LINGO2: variants seen among roughly 807,000 people sequenced by gnomAD.
The protein encoded by LINGO2 is leucine-rich repeat and immunoglobulin-like domain-containing nogo receptor-interacting protein 2.
LINGO2 carries 14 observed loss-of-function variants against 30.6 expected under a neutral mutation model. The ratio of observed to expected loss-of-function variants is 0.46; its 90% CI spans 0.30 to 0.72. The LOEUF (loss-of-function observed/expected upper bound fraction) is 0.72, where lower values mean the gene tolerates loss of function less well. LINGO2 is among the 30% of genes least tolerant of loss of function. The pLI is 0.07. For missense variants in LINGO2, 729 were observed against 751.7 expected (o/e 0.97, Z 0.35); for synonymous variants, 317 against 288.5 (o/e 1.10, Z -1.00).
chr9:28,972,564 G>GA, the LINGO2 span, among the ~76,000 whole-genome samples: 2 of 152,002 alleles, frequency 1.3e-5, no homozygotes, highest in Non-Finnish European at 2.9e-5. Context: ...TGATCAAGCA[G>GA]AAAAAAAGAA....
At chr9:28,384,888 A>C (rs1476163598) in intron 2 of LINGO2, among the ~76,000 whole-genome samples, 1 of 152,036 alleles carries the variant, frequency 6.6e-6, no homozygotes, top group African/African-American at 2.4e-5. Flanking sequence ...TCTAGATCCT[A>C]AGTTATTTTA....
the LINGO2 span, among the ~76,000 whole-genome samples, chr9:29,025,810 C>T: frequency 6.6e-6 from 1 of 152,120 alleles, no homozygotes; most frequent in African/African-American, 2.4e-5. Flanking sequence ...CCCCTCTACC[C>T]TTAACCACCC....
chr9:27,944,795 A>C (rs367609756), downstream of LINGO2, among the ~76,000 whole-genome samples: 3 of 152,144 alleles, frequency 2.0e-5, no homozygotes, highest in African/African-American at 2.4e-5. Context: ...AGGTTTTGTT[A>C]CTAGATTCAG....
chr9:28,213,901 G>T (rs572848620), intron 4 of LINGO2, among the ~76,000 whole-genome samples: 1 of 151,356 alleles, frequency 6.6e-6, no homozygotes. Context: ...ATTAAAGTAC[G>T]CAGTGTTCCC....
intron 3 of LINGO2, among the ~76,000 whole-genome samples, chr9:28,360,485 G>T (rs1301009905): frequency 6.6e-6 from 1 of 152,002 alleles, no homozygotes; most frequent in African/African-American, 2.4e-5. Flanking sequence ...AGCTTTTTAG[G>T]ATCATTCTTT....
intron 4 of LINGO2, among the ~76,000 whole-genome samples, chr9:28,022,290 G>A (rs1389297669): frequency 2.0e-5 from 3 of 151,952 alleles, no homozygotes; most frequent in Non-Finnish European, 2.9e-5. Context: ...CATTTCACTC[G>A]TCCTATCTTC....
chr9:28,799,663 T>C, the LINGO2 span, among the ~76,000 whole-genome samples: 2 of 152,104 alleles, frequency 1.3e-5, no homozygotes, highest in African/African-American at 4.8e-5. Context: ...TGGTAATTGA[T>C]AAAGATGTTC....
chr9:27,943,309 A>T (rs1425240123), downstream of LINGO2: 1 of 152,154 alleles, frequency 6.6e-6, no homozygotes, highest in Non-Finnish European at 1.5e-5. Context: ...CTTTATTGGA[A>T]TATAGTTAAG....
intron 1 of LINGO2, among the ~76,000 whole-genome samples, chr9:28,668,903 G>A (rs1459724727): frequency 6.6e-6 from 1 of 151,930 alleles, no homozygotes; most frequent in African/African-American, 2.4e-5. Context: ...TCAATTTTTA[G>A]TTATTATCTC....
At chr9:28,347,951 T>A (rs2134422762) in intron 3 of LINGO2, among the ~76,000 whole-genome samples, 1 of 152,294 alleles carries the variant, frequency 6.6e-6, no homozygotes, top group Non-Finnish European at 1.5e-5. Flanking sequence ...TATAGAAATA[T>A]CCCATTAAAA....
the LINGO2 span, among the ~76,000 whole-genome samples, chr9:28,727,452 A>G: frequency 6.6e-6 from 1 of 151,906 alleles, no homozygotes; most frequent in African/African-American, 2.4e-5. Flanking sequence ...CGTCTGGCTA[A>G]TTTTTTTGTA....
At chr9:28,471,964 C>G (rs935547512) in intron 2 of LINGO2, among the ~76,000 whole-genome samples, 1 of 152,076 alleles carries the variant, frequency 6.6e-6, no homozygotes, top group Admixed American at 6.6e-5. Flanking sequence ...AGTATAAACT[C>G]TATTATTACA....
chr9:28,701,462 T>C, the LINGO2 span, among the ~76,000 whole-genome samples: 1 of 152,006 alleles, frequency 6.6e-6, no homozygotes, highest in Non-Finnish European at 1.5e-5. Context: ...ATCAGTTGAC[T>C]ATATTTATGT....
the LINGO2 span, among the ~76,000 whole-genome samples, chr9:29,127,038 C>T: frequency 2.0e-5 from 3 of 152,018 alleles, no homozygotes; most frequent in African/African-American, 7.3e-5. Flanking sequence ...GTTACTTCAC[C>T]TCAGCCTCTG....
chr9:28,773,594 C>T, the LINGO2 span, among the ~76,000 whole-genome samples: 1 of 152,096 alleles, frequency 6.6e-6, no homozygotes, highest in African/African-American at 2.4e-5. Flanking sequence ...TGCAGGAAAC[C>T]TGCATCTCTA....
At chr9:28,531,126 G>A (rs540357499) in intron 1 of LINGO2, among the ~76,000 whole-genome samples, 1 of 150,484 alleles carries the variant, frequency 6.6e-6, no homozygotes, top group South Asian at 2.1e-4. Flanking sequence ...AACCCTAACA[G>A]TAACTGAAAT....
chr9:28,172,219 G>A (rs10968363), intron 4 of LINGO2, among the ~76,000 whole-genome samples: 13,757 of 148,198 alleles, frequency 0.093, 792 homozygotes, highest in East Asian at 0.19. Context: ...GTGAAACCCC[G>A]TCTCTACTAA....
the LINGO2 span, among the ~76,000 whole-genome samples, chr9:28,702,319 G>T: frequency 6.6e-6 from 1 of 151,686 alleles, no homozygotes; most frequent in Non-Finnish European, 1.5e-5. Flanking sequence ...AGTTTATTGA[G>T]TGTTTTATCA....
chr9:28,089,148 C>T (rs551465986), intron 4 of LINGO2, among the ~76,000 whole-genome samples: 2 of 152,228 alleles, frequency 1.3e-5, no homozygotes, highest in South Asian at 4.1e-4. Context: ...CAACATTAGA[C>T]AGATCAACGA....
Sources: gnomAD v4.1 joint callset for allele counts (sites outside exome capture counted in the v4.1 genomes callset) on GRCh38, gnomAD v4.1.1 for gene constraint, MANE v1.5 for transcripts, NCBI Gene and HGNC (gene_info 2026-07-23, HGNC 2026-07-21) for gene names.